EDIL3: variants seen among roughly 807,000 people sequenced by gnomAD.
EDIL3 encodes EGF-like repeat and discoidin I-like domain-containing protein 3.
EDIL3 carries 37 observed loss-of-function variants against 67.4 expected under a neutral mutation model. The observed-to-expected ratio is 0.55, with a 90% confidence interval of 0.42 to 0.72. The LOEUF (loss-of-function observed/expected upper bound fraction) is 0.72, where lower values mean the gene tolerates loss of function less well. Among genes scored for constraint, EDIL3 ranks in the 30% least tolerant of loss-of-function variants. The pLI is 0.00. For synonymous variants in EDIL3, 195 were observed against 196.3 expected (o/e 0.99, Z 0.05); for missense variants, 527 against 586.3 (o/e 0.90, Z 1.04).
intron 6 of EDIL3, chr5:84,078,728 C>T (rs1416438519): frequency 6.6e-6 from 1 of 152,116 alleles, no homozygotes; most frequent in African/African-American, 2.4e-5. Flanking sequence ...ATTGGTTTCT[C>T]CTTTACTTCT....
intron 4 of EDIL3, among the ~76,000 whole-genome samples, chr5:84,157,515 A>G (rs1227447697): frequency 1.3e-5 from 2 of 152,064 alleles, no homozygotes; most frequent in African/African-American, 2.4e-5. Flanking sequence ...GTATTTGCCT[A>G]TGGATGTAAT....
intron 9 of EDIL3, among the ~76,000 whole-genome samples, chr5:84,023,232 A>G (rs1020201929): frequency 6.6e-6 from 1 of 151,992 alleles, no homozygotes; most frequent in Non-Finnish European, 1.5e-5. Flanking sequence ...AATAGATACA[A>G]TTTTTACTTC....
intron 2 of EDIL3, among the ~76,000 whole-genome samples, chr5:84,243,997 A>G (rs540651903): frequency 2.6e-4 from 40 of 152,328 alleles, no homozygotes; most frequent in Middle Eastern, 6.8e-3. Flanking sequence ...GTTGTCTTAC[A>G]GTACAAAGTC....
At chr5:84,043,765 A>G (rs1357896544) in intron 9 of EDIL3, among the ~76,000 whole-genome samples, 1 of 152,250 alleles carries the variant, frequency 6.6e-6, no homozygotes, top group Admixed American at 6.5e-5. Context: ...TACACATATT[A>G]TTAGAAAGAT....
chr5:84,305,331 G>GTGCA (rs1027114461), intron 1 of EDIL3, among the ~76,000 whole-genome samples: 6 of 152,096 alleles, frequency 3.9e-5, no homozygotes, highest in African/African-American at 1.4e-4. Flanking sequence ...TTGGACCACT[G>GTGCA]TGCAACTAGT....
intron 4 of EDIL3, among the ~76,000 whole-genome samples, chr5:84,175,819 T>C (rs1443307535): frequency 2.6e-5 from 4 of 152,136 alleles, no homozygotes; most frequent in Non-Finnish European, 5.9e-5. Context: ...AAGGATCATA[T>C]GGATGTTTTT....
At chr5:84,237,389 G>C (rs1744702227) in intron 2 of EDIL3, among the ~76,000 whole-genome samples, 2 of 151,912 alleles carry the variant, frequency 1.3e-5, no homozygotes, top group Non-Finnish European at 2.9e-5. Context: ...GATTAAGAGT[G>C]TTGTCAAAAA....
At chr5:84,044,072 G>A (rs780189585) in intron 9 of EDIL3, among the ~76,000 whole-genome samples, 42 of 151,842 alleles carry the variant, frequency 2.8e-4, no homozygotes, top group Non-Finnish European at 4.4e-4. Context: ...CCCACCCCTC[G>A]ACAGGCCCCT....
chr5:84,241,821 T>G (rs1191606229), intron 2 of EDIL3, among the ~76,000 whole-genome samples: 1 of 152,042 alleles, frequency 6.6e-6, no homozygotes, highest in Non-Finnish European at 1.5e-5. Context: ...AGCTTTAAAA[T>G]AGTATATAAG....
At chr5:84,176,214 T>TATATATATATATATATAAA (rs1561453844) in intron 4 of EDIL3, among the ~76,000 whole-genome samples, 2 of 133,348 alleles carry the variant, frequency 1.5e-5, no homozygotes, top group African/African-American at 6.2e-5. Flanking sequence ...TATATATATA[T>TATATATATATATATATAAA]ATATATATAT....
intron 1 of EDIL3, among the ~76,000 whole-genome samples, chr5:84,299,338 AT>A (rs55727306): frequency 0.26 from 39,973 of 152,024 alleles, 6,018 homozygotes; most frequent in Non-Finnish European, 0.35. Context: ...TCTCAGCATT[AT>A]TTTTTATATT....
intron 1 of EDIL3, among the ~76,000 whole-genome samples, chr5:84,294,216 T>C (rs534330966): frequency 1.0e-3 from 153 of 151,798 alleles, no homozygotes; most frequent in Middle Eastern, 3.4e-3. Flanking sequence ...ACCCCGTCTC[T>C]ACTAAAAAAA....
chr5:84,283,395 T>G (rs1442429921), intron 1 of EDIL3, among the ~76,000 whole-genome samples: 1 of 152,182 alleles, frequency 6.6e-6, no homozygotes, highest in African/African-American at 2.4e-5. Flanking sequence ...AACTTCAATT[T>G]TTTCCATAAG....
chr5:84,219,325 G>C (rs1744293446), intron 3 of EDIL3, among the ~76,000 whole-genome samples: 1 of 152,194 alleles, frequency 6.6e-6, no homozygotes, highest in Non-Finnish European at 1.5e-5. Flanking sequence ...AGTCAGTGAA[G>C]AAATTAAGAA....
At chr5:84,165,356 T>C (rs907085800) in intron 4 of EDIL3, among the ~76,000 whole-genome samples, 2 of 152,116 alleles carry the variant, frequency 1.3e-5, no homozygotes, top group Non-Finnish European at 1.5e-5. Flanking sequence ...GTCACATATT[T>C]AGAGCCATCT....
At chr5:84,036,931 C>T (rs1167618687) in intron 9 of EDIL3, among the ~76,000 whole-genome samples, 2 of 152,176 alleles carry the variant, frequency 1.3e-5, no homozygotes, top group Non-Finnish European at 2.9e-5. Context: ...ACAGATCAAG[C>T]TAAATGTGAA....
intron 1 of EDIL3, among the ~76,000 whole-genome samples, chr5:84,275,122 C>T (rs1376965036): frequency 2.0e-5 from 3 of 152,118 alleles, no homozygotes; most frequent in Admixed American, 6.6e-5. Context: ...TCTCCAGATC[C>T]CCAAATCAGT....
At chr5:83,993,891 C>T (rs1745192621) in intron 9 of EDIL3, among the ~76,000 whole-genome samples, 1 of 152,192 alleles carries the variant, frequency 6.6e-6, no homozygotes, top group African/African-American at 2.4e-5. Context: ...TCCTAAGCCT[C>T]TGAGAAATAT....
rs575306357 is a variant in EDIL3, at chr5:84,098,407, T to C, written c.651+8242A>G. Among the ~76,000 whole-genome samples, 7 of 152,254 alleles carry C rather than the reference T, an allele frequency of 4.6e-5. No homozygotes were observed. The South Asian group carries it at 1.4e-3, about 32-fold the overall frequency. Reference sequence around the variant, plus strand: ...CTTAGGTGACAAGGGAAATTAACAATGAATGATCAACACAGAAACTCTGGT... The same window carrying C: ...CTTAGGTGACAAGGGAAATTAACAACGAATGATCAACACAGAAACTCTGGT... On this transcript the variant is annotated intron_variant, in intron 6 of 10. Transcript: ENST00000296591.
Sources: allele counts gnomAD v4.1 joint callset (sites outside exome capture counted in the v4.1 genomes callset), GRCh38; gene constraint gnomAD v4.1.1; transcripts MANE v1.5; gene names NCBI Gene and HGNC (gene_info 2026-07-23, HGNC 2026-07-21).